CADPS2: variants seen among roughly 807,000 people sequenced by gnomAD.
The protein encoded by CADPS2 is calcium dependent secretion activator 2, also known as calcium-dependent secretion activator 2.
CADPS2 carries 93 observed loss-of-function variants against 172.5 expected under a neutral mutation model. The observed-to-expected ratio is 0.54, with a 90% CI of 0.46 to 0.64. CADPS2 has a LOEUF of 0.64. CADPS2 is among the 30% of genes least tolerant of loss of function. The probability of loss-of-function intolerance (pLI) is 0.00; values close to 1 mark genes in which losing one functional copy is unlikely to be tolerated. For missense variants in CADPS2, 1,420 were observed against 1,565.9 expected, an observed-to-expected ratio of 0.91 and a Z score of 1.57; for synonymous variants, 546 against 555.2, an observed-to-expected ratio of 0.98 and a Z score of 0.23.
intron 3 of CADPS2, among the ~76,000 whole-genome samples, chr7:122,657,918 C>A (rs2080012702): frequency 6.6e-6 from 1 of 152,094 alleles, no homozygotes; most frequent in African/African-American, 2.4e-5. Context: ...ACACTTTTTG[C>A]CCATTACAGA....
intron 2 of CADPS2, among the ~76,000 whole-genome samples, chr7:122,710,899 C>T (rs2088595281): frequency 6.6e-6 from 1 of 151,986 alleles, no homozygotes; most frequent in Non-Finnish European, 1.5e-5. Flanking sequence ...TTTTAAAAAT[C>T]CTGTTTTCTC....
Position 122,319,990 on chromosome 7 carries a change from A to G in CADPS2, c.*175T>C. 2 of 571,848 alleles carry G rather than the reference A, an allele frequency of 3.5e-6. No homozygotes were observed. Among genetic ancestry groups the G allele is most frequent in the Non-Finnish European group, 5.3e-6 (2 of 377,032 alleles). 35.4% of individuals were successfully genotyped at this position (571,848 alleles called of 1,614,324 possible). ...ACAAACAAAAAAAGGAAACAAAAAA[A>G]CCCCAAAATCTTGGCATTTCCCCTT... On this transcript the variant is annotated 3_prime_UTR_variant, in exon 30 of 30. Coordinates refer to ENST00000449022, the MANE Select transcript of CADPS2 (RefSeq NM_017954.11).
At chr7:122,761,746 G>A (rs899264154) in intron 1 of CADPS2, among the ~76,000 whole-genome samples, 1 of 151,428 alleles carries the variant, frequency 6.6e-6, no homozygotes, top group Non-Finnish European at 1.5e-5. Flanking sequence ...TGTAATCCCA[G>A]CACTTTGGGA....
chr7:122,482,751 A>G (rs1440151475), intron 11 of CADPS2, among the ~76,000 whole-genome samples: 1 of 152,138 alleles, frequency 6.6e-6, no homozygotes, highest in Non-Finnish European at 1.5e-5. Context: ...TGAGTTCAAA[A>G]GATGGAACTG....
chr7:122,699,899 C>G (rs1313450871), intron 2 of CADPS2, among the ~76,000 whole-genome samples: 1 of 152,152 alleles, frequency 6.6e-6, no homozygotes, highest in East Asian at 1.9e-4. Flanking sequence ...AGAAAAACTT[C>G]AAGGTGCACA....
intron 14 of CADPS2, among the ~76,000 whole-genome samples, chr7:122,451,900 C>T (rs1456236871): frequency 1.3e-5 from 2 of 152,114 alleles, no homozygotes; most frequent in African/African-American, 2.4e-5. Context: ...TAACACAGAA[C>T]TGGAGATTTA....
chr7:122,513,974 C>A (rs541548207), intron 8 of CADPS2, among the ~76,000 whole-genome samples: 1 of 152,258 alleles, frequency 6.6e-6, no homozygotes, highest in Admixed American at 6.5e-5. Flanking sequence ...TCAACCATGG[C>A]TTTTCTTCAA....
intron 6 of CADPS2, among the ~76,000 whole-genome samples, chr7:122,603,050 C>T (rs2073018659): frequency 6.6e-6 from 1 of 152,060 alleles, no homozygotes. Flanking sequence ...CACTTTAGCA[C>T]AGCAGATATA....
chr7:122,446,785 G>C (rs1330516203), intron 15 of CADPS2, among the ~76,000 whole-genome samples: 1 of 152,170 alleles, frequency 6.6e-6, no homozygotes. Context: ...AAGTCAGAGA[G>C]TCCACTAGGC....
At chr7:122,541,478 T>C (rs913009272) in intron 8 of CADPS2, among the ~76,000 whole-genome samples, 4 of 148,958 alleles carry the variant, frequency 2.7e-5, no homozygotes, top group Admixed American at 6.8e-5. Flanking sequence ...AGTGCTGGGA[T>C]TACAGGCATG....
chr7:122,780,773 G>A (rs1445356277), intron 1 of CADPS2, among the ~76,000 whole-genome samples: 1 of 152,144 alleles, frequency 6.6e-6, no homozygotes, highest in East Asian at 1.9e-4. Flanking sequence ...CTCCCAAAGT[G>A]TTAGCCGTTC....
At chr7:122,697,998 T>A in intron 2 of CADPS2, 1 of 1,613,566 alleles carries the variant, frequency 6.2e-7, no homozygotes, top group East Asian at 2.2e-5. Flanking sequence ...CAACAACCAC[T>A]TGAATCCCCA....
intron 3 of CADPS2, among the ~76,000 whole-genome samples, chr7:122,646,519 T>G (rs71574711): frequency 0.04 from 6,141 of 152,064 alleles, 198 homozygotes; most frequent in Non-Finnish European, 0.049. Flanking sequence ...AATGGAGAAG[T>G]AGGAATTCCA....
At chr7:122,691,380 T>C (rs566432654) in intron 2 of CADPS2, among the ~76,000 whole-genome samples, 27 of 152,224 alleles carry the variant, frequency 1.8e-4, no homozygotes, top group Admixed American at 3.3e-4. Context: ...TGTTGGCACT[T>C]CCAAGGTCTC....
intron 8 of CADPS2, among the ~76,000 whole-genome samples, chr7:122,517,335 A>C (rs919464930): frequency 6.6e-6 from 1 of 152,078 alleles, no homozygotes; most frequent in African/African-American, 2.4e-5. Flanking sequence ...ACTTCTTTGG[A>C]TATCATAAAT....
At chr7:122,860,194 G>A (rs531216049) in intron 1 of CADPS2, among the ~76,000 whole-genome samples, 2 of 152,180 alleles carry the variant, frequency 1.3e-5, no homozygotes, top group African/African-American at 2.4e-5. Context: ...GGAAGGATGT[G>A]CTCCTATCTC....
At chr7:122,322,859 G>T (rs1179254164) in intron 29 of CADPS2, among the ~76,000 whole-genome samples, 1 of 152,156 alleles carries the variant, frequency 6.6e-6, no homozygotes, top group Non-Finnish European at 1.5e-5. Flanking sequence ...GGGCATAGAA[G>T]AATGGCAATC....
At chr7:122,801,845 T>C (rs1446968481) in intron 1 of CADPS2, among the ~76,000 whole-genome samples, 1 of 151,828 alleles carries the variant, frequency 6.6e-6, no homozygotes, top group Non-Finnish European at 1.5e-5. Flanking sequence ...CAACTCAGCC[T>C]CCCAAAGTGC....
intron 1 of CADPS2, among the ~76,000 whole-genome samples, chr7:122,878,079 A>C (rs1037334700): frequency 1.8e-4 from 28 of 151,616 alleles, no homozygotes; most frequent in Admixed American, 1.8e-3. Flanking sequence ...AACATGGTGA[A>C]ACCCCGTCTT....
Sources: gnomAD v4.1 joint callset for allele counts (sites outside exome capture counted in the v4.1 genomes callset) on GRCh38, gnomAD v4.1.1 for gene constraint, MANE v1.5 for transcripts, NCBI Gene and HGNC (gene_info 2026-07-23, HGNC 2026-07-21) for gene names.